Variants in BCAS3 observed in about 807,000 individuals in gnomAD.
BCAS3 encodes BCAS3 microtubule associated cell migration factor.
A neutral mutation model predicts 116.1 loss-of-function variants in BCAS3; 53 were observed. That is an observed-to-expected ratio of 0.46 (90% CI 0.37 to 0.57). BCAS3 has a LOEUF of 0.57. Among genes scored for constraint, BCAS3 ranks in the 20% least tolerant of loss-of-function variants. The pLI is 0.00. For missense variants in BCAS3, 917 were observed against 1,165.4 expected, an observed-to-expected ratio of 0.79 and a Z score of 3.10; for synonymous variants, 391 against 408.2, an observed-to-expected ratio of 0.96 and a Z score of 0.51.
At chr17:61,266,241 G>T (rs1218261030) in intron 22 of BCAS3, among the ~76,000 whole-genome samples, 3 of 152,166 alleles carry the variant, frequency 2.0e-5, no homozygotes, top group Non-Finnish European at 4.4e-5. Context: ...GTACTTGGGA[G>T]TTTAGAGTAA....
At chr17:61,304,533 C>T (rs976080395) in intron 22 of BCAS3, among the ~76,000 whole-genome samples, 24 of 152,274 alleles carry the variant, frequency 1.6e-4, no homozygotes, top group African/African-American at 4.6e-4. Flanking sequence ...AGACTCAGCA[C>T]GTAACGTCAC....
chr17:61,120,171 A>G (rs2075712588), intron 22 of BCAS3, among the ~76,000 whole-genome samples: 1 of 152,104 alleles, frequency 6.6e-6, no homozygotes, highest in Admixed American at 6.5e-5. Context: ...AAGAATTGCT[A>G]AGATAACTTT....
At chr17:61,245,694 T>C (rs1177837029) in intron 22 of BCAS3, among the ~76,000 whole-genome samples, 1 of 152,172 alleles carries the variant, frequency 6.6e-6, no homozygotes, top group Non-Finnish European at 1.5e-5. Flanking sequence ...TGGTTTCAGA[T>C]GGTAGGCTTT....
intron 1 of BCAS3, among the ~76,000 whole-genome samples, chr17:60,679,048 A>T (rs2053022363): frequency 6.6e-6 from 1 of 152,000 alleles, no homozygotes; most frequent in South Asian, 2.1e-4. Context: ...ACATGGTGAA[A>T]CCCCGTCGCT....
In BCAS3 at chr17:60,889,755, C is replaced by G. The variant is rs372919322; in HGVS notation, c.722C>G (p.Ala241Gly). 2.1e-5 allele frequency: 34 copies of G among 1,612,800 alleles called. No homozygotes were observed. The African/African-American group carries it at 3.5e-4, about 16-fold the overall frequency. The stretch of plus-strand genomic sequence containing the variant: ...ATTGCTCTTGGGAGCCGCTGGCTTG[C>G]TTATGCAGAAAACAAGGTAAGACGT... The part of the protein sequence containing the change: ...NPIALGSRWL[A>G]YAENKLIRCH... Residue 241 changes from alanine to glycine, a missense_variant, in exon 10 of 24, where the codon GCT becomes GGT. This residue lies in a region of BCAS3 where 807 missense variants were observed against 1,026.0 expected (regional missense o/e 0.79). Transcript: ENST00000407086.
At chr17:60,934,708 T>A (rs1196074152) in intron 13 of BCAS3, among the ~76,000 whole-genome samples, 2 of 152,242 alleles carry the variant, frequency 1.3e-5, no homozygotes, top group Non-Finnish European at 2.9e-5. Flanking sequence ...ACATTAAATA[T>A]TTTTTGAACA....
rs61459347 is a variant in BCAS3 at position 61,386,633 on chromosome 17, C to T, written c.2594-5344C>T. On this transcript the variant is annotated intron_variant, in intron 23 of 23. Transcript: ENST00000407086. Reference sequence around the variant, plus strand: ...CAAACAGAGCACTGTCCTCCCTGGCCCCTCTCAGGTCCCTGAGACTAGGGC... The same window carrying T: ...CAAACAGAGCACTGTCCTCCCTGGCTCCTCTCAGGTCCCTGAGACTAGGGC... 6.6e-3 allele frequency among the ~76,000 whole-genome samples: 1,013 copies of T among 152,332 alleles called. 11 individuals carry two copies. Among genetic ancestry groups the T allele is most frequent in the African/African-American group, 0.023 (958 of 41,574 alleles).
rs1405271851 is a variant in BCAS3 at position 60,962,880 on chromosome 17, A to G, written c.1221+15528A>G. On this transcript the variant is annotated intron_variant, in intron 14 of 23. Transcript: ENST00000407086. The surrounding 1 kb of genome is among the most constrained non-coding windows in gnomAD (Gnocchi z 4.4). ...GTGGTTTCATAGTTTGAGGTCTTAG[A>G]TTTACGTCTTTAATCGATTTTGATT... is the stretch of plus-strand genomic sequence containing the variant. Among the ~76,000 whole-genome samples, 1 of 152,112 alleles carries G rather than the reference A, an allele frequency of 6.6e-6. No homozygotes were observed. Among genetic ancestry groups the G allele is most frequent in the African/African-American group, 2.4e-5 (1 of 41,424 alleles).
chr17:60,699,394 T>C (rs1030823836), intron 4 of BCAS3, among the ~76,000 whole-genome samples: 1 of 152,048 alleles, frequency 6.6e-6, no homozygotes, highest in African/African-American at 2.4e-5. Context: ...TTTGTATTTT[T>C]AGTAATTTTT....
Position 61,323,990 on chromosome 17 carries a change from G to A in BCAS3, c.2426-44337G>A, listed in dbSNP as rs969849662. On this transcript the variant is annotated intron_variant, in intron 22 of 23. Transcript: ENST00000407086. The surrounding 1 kb of genome is among the most constrained non-coding windows in gnomAD (Gnocchi z 4.6). Reference sequence around the variant, plus strand: ...GGGAGACGAGGTAAGAACTGTTAGTGTCTGTGAGATGTTTGGGGATTTCCA... The same window carrying A: ...GGGAGACGAGGTAAGAACTGTTAGTATCTGTGAGATGTTTGGGGATTTCCA... Among the ~76,000 whole-genome samples, 7 of 152,374 alleles carry A rather than the reference G, an allele frequency of 4.6e-5. No homozygotes were observed. The highest frequency in any genetic ancestry group is 3.4e-3 in the Middle Eastern group (1 of 294).
chr17:60,741,440 A>C (rs1235656378), intron 5 of BCAS3, among the ~76,000 whole-genome samples: 1 of 152,218 alleles, frequency 6.6e-6, no homozygotes, highest in South Asian at 2.1e-4. Context: ...CATTATGTAC[A>C]AAAAAACTCT....
chr17:60,929,757 C>T (rs1049706539), intron 13 of BCAS3, among the ~76,000 whole-genome samples: 4 of 125,304 alleles, frequency 3.2e-5, no homozygotes, highest in Non-Finnish European at 6.3e-5. Flanking sequence ...GTGTGATGTT[C>T]CCCTTCCTGT....
At chr17:61,312,785 T>G (rs1279865239) in intron 22 of BCAS3, among the ~76,000 whole-genome samples, 1 of 152,204 alleles carries the variant, frequency 6.6e-6, no homozygotes, top group Admixed American at 6.5e-5. Flanking sequence ...TGGCTCTGTA[T>G]CTGATTGTCA....
chr17:61,163,357 G>A (rs2078280782), intron 22 of BCAS3, among the ~76,000 whole-genome samples: 1 of 151,676 alleles, frequency 6.6e-6, no homozygotes, highest in East Asian at 2.0e-4. Flanking sequence ...CTGGGAGGCG[G>A]AGCTTGCAGT....
At chr17:61,045,963 ATAAT>A (rs1370338362) in intron 19 of BCAS3, among the ~76,000 whole-genome samples, 16 of 11,048 alleles carry the variant, frequency 1.4e-3, no homozygotes, top group Non-Finnish European at 1.9e-3. Context: ...AAATATATAT[ATAAT>A]ATATATATAT....
chr17:61,368,393 G>A lies in BCAS3; in HGVS notation c.2492G>A (p.Arg831Gln), dbSNP rs375102707. 5.6e-6 allele frequency: 9 copies of A among 1,612,800 alleles called. No individual in the cohort carries two copies. The highest frequency in any genetic ancestry group is 1.3e-5 in the African/African-American group (1 of 74,914). The change falls in exon 23 of 24, where the codon CGG (arginine) becomes CAG (glutamine). Residue 831 changes from arginine (R) to glutamine (Q), a missense_variant. Physicochemically the swap from Arg to Gln is conservative, Grantham distance 43 (BLOSUM62 1). Around this residue, in one of 3 missense-constraint regions of BCAS3, gnomAD observed 109 missense variants for 122.8 expected, o/e 0.89. Transcript: ENST00000407086. The surrounding 1 kb of genome is among the most constrained non-coding windows in gnomAD (Gnocchi z 6.0). ...AGCTGGCCTGAGGGCTTCGGGCTGC[G>A]GCACATGTCCTCCATGGAGCACACG... is the stretch of plus-strand genomic sequence containing the variant. Reference protein sequence around the residue: ...CGSWPEGFGLRHMSSMEHTEE... With the variant: ...CGSWPEGFGLQHMSSMEHTEE...
At chr17:60,986,530 C>CT (rs1183992794) in intron 14 of BCAS3, among the ~76,000 whole-genome samples, 1 of 151,956 alleles carries the variant, frequency 6.6e-6, no homozygotes, top group Non-Finnish European at 1.5e-5. Context: ...GGATAAAAGC[C>CT]TTTTTTTAAA....
In BCAS3 at chr17:60,727,492, A is replaced by G. The variant is rs2040006617; in HGVS notation, c.321+18167A>G. On this transcript the variant is annotated intron_variant, in intron 5 of 23. Coordinates refer to ENST00000407086, the MANE Select transcript of BCAS3 (RefSeq NM_017679.5). Reference sequence around the variant, plus strand: ...TAGGTACGTTGACCATCTTTGCAGCAGGGCTGTTCCGTCTATGTGATGAAA... The same window carrying G: ...TAGGTACGTTGACCATCTTTGCAGCGGGGCTGTTCCGTCTATGTGATGAAA... 3.3e-6 allele frequency: 5 copies of G among 1,506,000 alleles called. No individual in the cohort carries two copies. The South Asian group carries it at 4.2e-5, about 13-fold the overall frequency. The allele number at this position is 1,506,000 out of a possible 1,614,324, so 93.3% of individuals were successfully genotyped here.
chr17:61,359,739 C>T (rs1009004136), intron 22 of BCAS3, among the ~76,000 whole-genome samples: 5 of 152,158 alleles, frequency 3.3e-5, no homozygotes, highest in African/African-American at 9.6e-5. Context: ...GATCCGCCCA[C>T]CTTGGCCTCC....
Sources: gnomAD v4.1 joint callset for allele counts (sites outside exome capture counted in the v4.1 genomes callset) on GRCh38, gnomAD v4.1.1 for gene constraint, gnomAD v4.1.1 regional missense constraint, Gnocchi (gnomAD v3.1) non-coding constraint, MANE v1.5 for transcripts, NCBI Gene and HGNC (gene_info 2026-07-23, HGNC 2026-07-21) for gene names.